MYO16: variants seen among roughly 807,000 people sequenced by gnomAD.
MYO16 encodes unconventional myosin-XVI.
In MYO16, 94 loss-of-function variants were observed where a neutral mutation model predicts 205.3. The observed-to-expected ratio is 0.46, with a 90% CI of 0.39 to 0.54. The LOEUF is 0.54. Among genes scored for constraint, MYO16 ranks in the 20% least tolerant of loss-of-function variants. The pLI is 0.00. For missense variants in MYO16, 2,315 were observed against 2,387.5 expected (o/e 0.97, Z 0.63); for synonymous variants, 988 against 954.0 (o/e 1.04, Z -0.66).
In MYO16 at chr13:108,974,228, T is replaced by C. The variant is rs112199021; in HGVS notation, c.2369+9326T>C. 8.4e-3 allele frequency among the ~76,000 whole-genome samples: 1,279 copies of C among 152,278 alleles called. 13 individuals are homozygous for C. Among genetic ancestry groups the C allele is most frequent in the African/African-American group, 0.029 (1,195 of 41,552 alleles). On this transcript the variant is annotated intron_variant, in intron 20 of 34. Transcript: ENST00000457511. Reference sequence around the variant, plus strand: ...CAAGGATTTCAAATATAAGAGAATATTTTTTGCTGTTCATATTAAGTGATA... The same window carrying C: ...CAAGGATTTCAAATATAAGAGAATACTTTTTGCTGTTCATATTAAGTGATA...
At chr13:109,004,193 A>T (rs111760344) in intron 21 of MYO16, among the ~76,000 whole-genome samples, 1 of 152,164 alleles carries the variant, frequency 6.6e-6, no homozygotes, top group Admixed American at 6.5e-5. Context: ...GCAGTAAATG[A>T]CCTATTTGTG....
At chr13:109,093,819 C>T (rs893053192) in intron 27 of MYO16, among the ~76,000 whole-genome samples, 1 of 152,142 alleles carries the variant, frequency 6.6e-6, no homozygotes, top group African/African-American at 2.4e-5. Flanking sequence ...AGCCCTGACT[C>T]TTTCCTGCCC....
In MYO16 at chr13:108,868,778, G is replaced by A. The variant is rs184272594; in HGVS notation, c.1425+2536G>A. ...TCTACTAAAAATACAAAAATTAGCC[G>A]AGCATGGTGGCAGGTGACGTAAACC... On this transcript the variant is annotated intron_variant, in intron 12 of 34. Transcript: ENST00000457511. Among the ~76,000 whole-genome samples, 10 of 151,620 alleles carry A rather than the reference G, an allele frequency of 6.6e-5. No homozygotes were observed. The East Asian group carries it at 1.8e-3, about 28-fold the overall frequency.
chr13:108,633,488 G>A (rs1436638427), intron 1 of MYO16, among the ~76,000 whole-genome samples: 2 of 152,170 alleles, frequency 1.3e-5, no homozygotes, highest in African/African-American at 4.8e-5. Context: ...CAGCCAGCCT[G>A]GTTCTTCCAT....
the MYO16 span, among the ~76,000 whole-genome samples, chr13:108,502,569 T>A: frequency 0.024 from 3,651 of 152,280 alleles, 126 homozygotes; most frequent in South Asian, 0.089. Context: ...TTTTAATGTC[T>A]TTTTTATTAC....
the MYO16 span, among the ~76,000 whole-genome samples, chr13:108,551,966 A>G: frequency 6.6e-6 from 1 of 152,216 alleles, no homozygotes; most frequent in Non-Finnish European, 1.5e-5. Context: ...ACACATAGGA[A>G]GAAGCAATGG....
intron 32 of MYO16, among the ~76,000 whole-genome samples, chr13:109,158,861 T>C (rs1878214043): frequency 6.6e-6 from 1 of 152,134 alleles, no homozygotes; most frequent in Non-Finnish European, 1.5e-5. Context: ...ATTGCTTGAG[T>C]CCCTCCCTCG....
At chr13:108,927,220 C>T (rs907873688) in intron 16 of MYO16, among the ~76,000 whole-genome samples, 1 of 152,160 alleles carries the variant, frequency 6.6e-6, no homozygotes, top group Non-Finnish European at 1.5e-5. Flanking sequence ...CAGTGATTCT[C>T]CTAAGTGAGA....
At chr13:108,773,741 T>C (rs1281611004) in intron 4 of MYO16, among the ~76,000 whole-genome samples, 3 of 152,166 alleles carry the variant, frequency 2.0e-5, no homozygotes, top group Non-Finnish European at 2.9e-5. Flanking sequence ...AACAGGTACA[T>C]AGGGGTTCTT....
In MYO16 at chr13:108,946,509, A is replaced by G. The variant is rs1882948354; in HGVS notation, c.1926-11179A>G. 5.3e-5 allele frequency among the ~76,000 whole-genome samples: 8 copies of G among 152,166 alleles called. 1 individual carries two copies. The stretch of plus-strand genomic sequence containing the variant: ...TATGGAAACTTCCAGGTATGTGTAA[A>G]CCTTCTGTACACCCAATATTAATTT... On this transcript the variant is annotated intron_variant, in intron 16 of 34. Transcript: ENST00000457511.
At chr13:108,701,407 G>A (rs569870233) in intron 2 of MYO16, among the ~76,000 whole-genome samples, 7 of 152,126 alleles carry the variant, frequency 4.6e-5, no homozygotes, top group African/African-American at 1.7e-4. Flanking sequence ...GTTTGTTATC[G>A]TGGGAGTGGC....
At chr13:109,114,565 T>G (rs1875577538) in intron 28 of MYO16, among the ~76,000 whole-genome samples, 1 of 152,236 alleles carries the variant, frequency 6.6e-6, no homozygotes, top group African/African-American at 2.4e-5. Flanking sequence ...TTATGGGCAC[T>G]CTGTTTCTTT....
intron 20 of MYO16, among the ~76,000 whole-genome samples, chr13:108,986,696 G>T (rs1432325149): frequency 2.6e-5 from 4 of 151,328 alleles, no homozygotes; most frequent in Admixed American, 6.6e-5. Flanking sequence ...CTAATATGAA[G>T]GATATAATTG....
chr13:109,170,743 C>A (rs545035996), intron 33 of MYO16, among the ~76,000 whole-genome samples: 1 of 151,826 alleles, frequency 6.6e-6, no homozygotes, highest in African/African-American at 2.4e-5. Context: ...AAGCAGAAAC[C>A]CTCTAGACCA....
chr13:108,688,371 A>G (rs192784610), intron 2 of MYO16, among the ~76,000 whole-genome samples: 5 of 152,210 alleles, frequency 3.3e-5, no homozygotes, highest in African/African-American at 4.8e-5. Context: ...GATGTGGTAG[A>G]TCATATGAAT....
intron 27 of MYO16, among the ~76,000 whole-genome samples, chr13:109,094,567 A>G (rs277844): frequency 0.78 from 119,272 of 152,164 alleles, 46,917 homozygotes; most frequent in Middle Eastern, 0.87. Context: ...GGATACATGT[A>G]CAAAACGTAC....
chr13:108,818,382 TC>T (rs1422802182), intron 7 of MYO16, among the ~76,000 whole-genome samples: 3 of 23,144 alleles, frequency 1.3e-4, no homozygotes, highest in Non-Finnish European at 1.6e-3. Context: ...AAACAACGTC[TC>T]AAAAAAAAAA....
chr13:108,665,863 C>T (rs762026010), intron 1 of MYO16, 23 bp from the exon 2 acceptor site: 15 of 1,606,162 alleles, frequency 9.3e-6, no homozygotes, highest in Middle Eastern at 1.7e-4. Flanking sequence ...GGTCTGGTGA[C>T]GCTCCCCTTG....
At chr13:109,142,315 G>T (rs1877136528) in intron 32 of MYO16, among the ~76,000 whole-genome samples, 3 of 152,206 alleles carry the variant, frequency 2.0e-5, no homozygotes, top group Admixed American at 2.0e-4. Context: ...TGGGGAAGAA[G>T]TTCATTGATG....
Sources: allele counts gnomAD v4.1 joint callset (sites outside exome capture counted in the v4.1 genomes callset), GRCh38; gene constraint gnomAD v4.1.1; transcripts MANE v1.5; gene names NCBI Gene and HGNC (gene_info 2026-07-23, HGNC 2026-07-21).